Variants in RAB3IP observed in about 807,000 individuals in gnomAD.
The protein encoded by RAB3IP is rab-3A-interacting protein.
Under a neutral mutation model 59.1 loss-of-function variants are expected in RAB3IP, and 36 were observed. The ratio of observed to expected loss-of-function variants is 0.61; its 90% CI spans 0.47 to 0.80. The LOEUF (loss-of-function observed/expected upper bound fraction) is 0.80, where lower values mean the gene tolerates loss of function less well. RAB3IP is among the 30% of genes least tolerant of loss of function. RAB3IP has a pLI of 0.00. For synonymous variants in RAB3IP, 207 were observed against 191.2 expected (o/e 1.08, Z -0.68); for missense variants, 511 against 536.0 (o/e 0.95, Z 0.46).
intron 3 of RAB3IP, among the ~76,000 whole-genome samples, chr12:69,765,557 T>A (rs1351279516): frequency 6.6e-6 from 1 of 152,206 alleles, no homozygotes; most frequent in Non-Finnish European, 1.5e-5. Context: ...TTGTTGAGGA[T>A]TTTTGAATCT....
intron 6 of RAB3IP, among the ~76,000 whole-genome samples, chr12:69,798,375 G>C (rs1359829627): frequency 6.9e-6 from 1 of 144,034 alleles, no homozygotes; most frequent in African/African-American, 2.6e-5. Context: ...GGGGTTGTTT[G>C]TTTTTTTCTT....
intron 8 of RAB3IP, 34 bp downstream of exon 8, chr12:69,801,755 CTGAGTTTT>C: frequency 7.5e-7 from 1 of 1,339,048 alleles, no homozygotes; most frequent in Admixed American, 1.8e-5. Flanking sequence ...GTGAAAGTGA[CTGAGTTTT>C]TGAAATGTTA....
intron 3 of RAB3IP, among the ~76,000 whole-genome samples, chr12:69,780,979 ATTATC>A (rs1297136185): frequency 2.6e-5 from 4 of 152,150 alleles, no homozygotes; most frequent in African/African-American, 4.8e-5. Flanking sequence ...AGTTACAAGT[ATTATC>A]TTAATGCCAA....
Position 69,820,223 on chromosome 12 carries a change from C to G in RAB3IP, c.*4777C>G, listed in dbSNP as rs1881554866. 1 of 152,178 alleles carries G rather than the reference C, an allele frequency of 6.6e-6. No homozygotes were observed. Among genetic ancestry groups the G allele is most frequent in the Non-Finnish European group, 1.5e-5 (1 of 68,060 alleles). The allele number at this position is 152,178 out of a possible 1,614,324, so 9.4% of individuals were successfully genotyped here. A position where few individuals can be genotyped will look rare whatever the true frequency, so the allele number is the denominator to read the frequency against. On this transcript the variant is annotated 3_prime_UTR_variant, in exon 11 of 11. Transcript: ENST00000247833. ...TTTGTGCTTAACAGATCTGCCATGG[C>G]TGAACTCTCAGTTGCTTAAGCAAAA...
At chr12:69,752,732 T>C (rs1869542008) in intron 1 of RAB3IP, among the ~76,000 whole-genome samples, 1 of 152,206 alleles carries the variant, frequency 6.6e-6, no homozygotes, top group South Asian at 2.1e-4. Context: ...GTATATGGGA[T>C]AGAAGAAAGA....
At chr12:69,748,009 C>G (rs796700904) in intron 1 of RAB3IP, among the ~76,000 whole-genome samples, 1 of 148,996 alleles carries the variant, frequency 6.7e-6, no homozygotes, top group African/African-American at 2.5e-5. Flanking sequence ...ACATAGAATT[C>G]AAATTATTTA....
intron 3 of RAB3IP, among the ~76,000 whole-genome samples, chr12:69,764,350 C>T (rs1447216415): frequency 6.6e-6 from 1 of 152,110 alleles, no homozygotes; most frequent in Non-Finnish European, 1.5e-5. Context: ...CAGTTTCATT[C>T]TTCTGCATAT....
At chr12:69,801,365 G>A (rs550850663) in intron 7 of RAB3IP, among the ~76,000 whole-genome samples, 4 of 152,254 alleles carry the variant, frequency 2.6e-5, no homozygotes, top group Admixed American at 1.3e-4. Flanking sequence ...TGGAATTGAT[G>A]CCTTGAATCC....
In RAB3IP at chr12:69,816,700, T is replaced by C. The variant is rs1253174860; in HGVS notation, c.*1254T>C. The C allele has an allele frequency of 6.6e-6, 1 of 152,218 alleles. No homozygotes were observed. The highest frequency in any genetic ancestry group is 2.4e-5 in the African/African-American group (1 of 41,450). 9.4% of individuals were successfully genotyped at this position (152,218 alleles called of 1,614,324 possible). Reference sequence around the variant, plus strand: ...ATAAAATTGTGTCGAGATATATATGTATTTTTAAATGTTTGATCTGCATTG... The same window carrying C: ...ATAAAATTGTGTCGAGATATATATGCATTTTTAAATGTTTGATCTGCATTG... On this transcript the variant is annotated 3_prime_UTR_variant, in exon 11 of 11. Transcript: ENST00000247833.
intron 3 of RAB3IP, among the ~76,000 whole-genome samples, chr12:69,781,692 T>C (rs957585043): frequency 6.6e-6 from 1 of 151,936 alleles, no homozygotes; most frequent in African/African-American, 2.4e-5. Context: ...TTATGTCTTT[T>C]CATGGCTTGT....
chr12:69,805,768 T>C (rs569637863), intron 8 of RAB3IP, among the ~76,000 whole-genome samples: 168 of 152,282 alleles, frequency 1.1e-3, no homozygotes, highest in African/African-American at 3.7e-3. Context: ...GTGGTTTTTG[T>C]CTTTGGTTCT....
At chr12:69,794,310 C>G in intron 4 of RAB3IP, 127 bp from the exon 5 acceptor site, 1 of 683,150 alleles carries the variant, frequency 1.5e-6, no homozygotes. Context: ...CCATAGTTGA[C>G]ATTGAATACT....
intron 1 of RAB3IP, among the ~76,000 whole-genome samples, chr12:69,748,833 C>A (rs1380768364): frequency 6.6e-6 from 1 of 152,032 alleles, no homozygotes. Context: ...AATCTTAAAG[C>A]TTCTATGTAT....
chr12:69,799,116 G>C (rs899817020), intron 6 of RAB3IP, among the ~76,000 whole-genome samples: 3 of 152,094 alleles, frequency 2.0e-5, no homozygotes, highest in African/African-American at 7.2e-5. Flanking sequence ...TATGAATTGG[G>C]CTGAAAAAAA....
chr12:69,801,485 A>G (rs1592596714), intron 7 of RAB3IP, 124 bp from the exon 8 acceptor site: 1 of 493,948 alleles, frequency 2.0e-6, no homozygotes, highest in Non-Finnish European at 3.5e-6. Flanking sequence ...TTCCTTTTTC[A>G]TTTGCTAAAG....
chr12:69,797,253 C>T (rs964140998), intron 6 of RAB3IP, among the ~76,000 whole-genome samples: 5 of 152,140 alleles, frequency 3.3e-5, no homozygotes, highest in Admixed American at 6.5e-5. Flanking sequence ...GATTTGAATT[C>T]GGACTTTACT....
intron 4 of RAB3IP, among the ~76,000 whole-genome samples, chr12:69,790,847 G>T (rs1357792714): frequency 6.6e-6 from 1 of 152,172 alleles, no homozygotes. Context: ...GCCTCCCAAA[G>T]TGCTGGGATT....
At chr12:69,815,225 T>G (rs547379077) in intron 10 of RAB3IP, 139 bp from the exon 11 acceptor site, 2 of 604,442 alleles carry the variant, frequency 3.3e-6, no homozygotes, top group East Asian at 5.9e-5. Context: ...TGGAAAAGTT[T>G]ATGTGAATTA....
At chr12:69,758,907 T>C (rs1366926455) in intron 3 of RAB3IP, among the ~76,000 whole-genome samples, 2 of 151,868 alleles carry the variant, frequency 1.3e-5, no homozygotes, top group Non-Finnish European at 2.9e-5. Context: ...GCATCTATCA[T>C]TGTTGATGAG....
Sources: gnomAD v4.1 joint callset for allele counts (sites outside exome capture counted in the v4.1 genomes callset) on GRCh38, gnomAD v4.1.1 for gene constraint, MANE v1.5 for transcripts, NCBI Gene and HGNC (gene_info 2026-07-23, HGNC 2026-07-21) for gene names.